MET: variants seen among roughly 807,000 people sequenced by gnomAD.
The protein encoded by MET is hepatocyte growth factor receptor.
MET carries 48 observed loss-of-function variants against 133.1 expected under a neutral mutation model. That is an observed-to-expected ratio of 0.36 (90% CI 0.29 to 0.46). The LOEUF (loss-of-function observed/expected upper bound fraction) is 0.46. MET is among the 20% of genes least tolerant of loss of function. The pLI, the probability that MET is intolerant of heterozygous loss-of-function variation, is 1.00. For missense variants in MET, 1,442 were observed against 1,695.9 expected (o/e 0.85, Z 2.63); for synonymous variants, 628 against 616.5 (o/e 1.02, Z -0.28).
intron 3 of MET, among the ~76,000 whole-genome samples, chr7:116,735,860 C>T (rs546177996): frequency 2.0e-5 from 3 of 151,544 alleles, no homozygotes; most frequent in Admixed American, 6.6e-5. Context: ...CACTGTAACC[C>T]CCACCTCCAG....
intron 1 of MET, among the ~76,000 whole-genome samples, chr7:116,681,265 C>A (rs969543202): frequency 6.6e-6 from 1 of 151,956 alleles, no homozygotes; most frequent in Non-Finnish European, 1.5e-5. Context: ...CCCAGGCACT[C>A]TAAATGAAAT....
intron 19 of MET, among the ~76,000 whole-genome samples, chr7:116,785,966 A>C (rs1055398159): frequency 6.6e-6 from 1 of 152,252 alleles, no homozygotes; most frequent in African/African-American, 2.4e-5. Context: ...AGGCAATTGA[A>C]AATGTGAATC....
intron 2 of MET, among the ~76,000 whole-genome samples, chr7:116,716,463 GAAAGAGAAAGAAAGAAAGAA>G (rs1792217910): frequency 7.7e-6 from 1 of 129,042 alleles, no homozygotes; most frequent in Non-Finnish European, 1.6e-5. Context: ...AGAAAAGAAA[GAAAGAGAAAGAAAGAAAGAA>G]AGAAAGAAAG....
At chr7:116,722,245 T>C (rs1401756364) in intron 2 of MET, among the ~76,000 whole-genome samples, 1 of 150,188 alleles carries the variant, frequency 6.7e-6, no homozygotes, top group East Asian at 1.9e-4. Flanking sequence ...TGTAATGGCC[T>C]TGTCTCTTTT....
intron 2 of MET, among the ~76,000 whole-genome samples, chr7:116,701,015 A>G (rs1357412698): frequency 6.6e-6 from 1 of 152,186 alleles, no homozygotes; most frequent in Non-Finnish European, 1.5e-5. Context: ...GGTATTTGTT[A>G]TTTATAAGCA....
chr7:116,736,374 CCGTT>C (rs1237130006), intron 3 of MET, among the ~76,000 whole-genome samples: 1 of 151,200 alleles, frequency 6.6e-6, no homozygotes, highest in African/African-American at 2.4e-5. Context: ...AAAATTAAAA[CCGTT>C]CAATTGTCCA....
chr7:116,782,110 A>G lies in MET; in HGVS notation c.3632+13A>G. The stretch of plus-strand genomic sequence containing the variant: ...CAAGAAACTGTATGTAAGTATCAGA[A>G]TCTCTGTGCCACAATCCAAATTAAG... On this transcript the variant is annotated intron_variant, in intron 18 of 20. Coordinates refer to ENST00000397752, the MANE Select transcript of MET (RefSeq NM_000245.4). The G allele has an allele frequency of 6.5e-7, 1 of 1,539,980 alleles. No individual in the cohort carries two copies. The highest frequency in any genetic ancestry group is 9.0e-7 in the Non-Finnish European group (1 of 1,113,914).
At chr7:116,744,445 T>A (rs568626761) in intron 5 of MET, among the ~76,000 whole-genome samples, 7 of 152,118 alleles carry the variant, frequency 4.6e-5, no homozygotes, top group Non-Finnish European at 8.8e-5. Flanking sequence ...TGTCAGAGAT[T>A]GAATATCAAC....
chr7:116,705,546 A>C (rs1200229918), intron 2 of MET, among the ~76,000 whole-genome samples: 2 of 152,148 alleles, frequency 1.3e-5, no homozygotes, highest in African/African-American at 4.8e-5. Context: ...CCAATATGAA[A>C]AATGTTGTTA....
intron 2 of MET, among the ~76,000 whole-genome samples, chr7:116,720,098 G>A (rs1419168836): frequency 4.7e-4 from 72 of 152,154 alleles, no homozygotes; most frequent in Non-Finnish European, 7.9e-4. Flanking sequence ...CCATTTTCAC[G>A]ATATGGATTC....
chr7:116,759,187 C>A (rs1223929172), intron 9 of MET: 2 of 695,488 alleles, frequency 2.9e-6, no homozygotes, highest in African/African-American at 1.8e-5. Context: ...AAATGCATTT[C>A]TTAAGCTTAT....
intron 18 of MET, 85 bp from the exon 19 acceptor site, chr7:116,783,213 ACTGAAG>A: frequency 6.9e-7 from 1 of 1,456,048 alleles, no homozygotes; most frequent in Non-Finnish European, 9.6e-7. Flanking sequence ...GATTTCAAAT[ACTGAAG>A]CCACTTGTTT....
At chr7:116,747,926 C>A (rs1584930874) in intron 5 of MET, among the ~76,000 whole-genome samples, 2 of 152,200 alleles carry the variant, frequency 1.3e-5, no homozygotes, top group East Asian at 3.8e-4. Context: ...GATGACACTA[C>A]AATCAAATTA....
rs139396986 is a variant in MET, at chr7:116,787,535, G to A, written c.3798+4066G>A. Among the ~76,000 whole-genome samples the A allele has an allele frequency of 3.4e-4, 52 of 152,282 alleles. 1 individual carries two copies. The East Asian group carries it at 9.3e-3, about 27-fold the overall frequency. On this transcript the variant is annotated intron_variant, in intron 19 of 20. Transcript: ENST00000397752. ...AGGCATCACATGGGTGTGAGAGAGTGCAAGAGAGAGCAAGAGGTGAACAGA... is the reference window on the plus strand; with the variant it reads ...AGGCATCACATGGGTGTGAGAGAGTACAAGAGAGAGCAAGAGGTGAACAGA...
In MET at chr7:116,695,815, A is replaced by G. The variant is rs779671766; in HGVS notation, c.-14-3256A>G. On this transcript the variant is annotated intron_variant, in intron 1 of 20. Transcript: ENST00000397752. ...TTCCCATATGGTAAGCACTCAATAC[A>G]TGTTCTTGTTATTTTTATTATTACA... The G allele has an allele frequency of 5.2e-5, 25 of 482,366 alleles. 1 individual carries two copies. The highest frequency in any genetic ancestry group is 4.0e-4 in the South Asian group (25 of 63,096). The allele number at this position is 482,366 out of a possible 1,614,324, so 29.9% of individuals were successfully genotyped here. A position where few individuals can be genotyped will look rare whatever the true frequency, so the allele number is the denominator to read the frequency against.
At chr7:116,759,609 T>C in intron 10 of MET, 119 bp downstream of exon 10, 2 of 1,125,868 alleles carry the variant, frequency 1.8e-6, no homozygotes, top group Non-Finnish European at 2.6e-6. Context: ...TTAATTTCCT[T>C]GCAGTGTAGC....
In MET at chr7:116,758,578, A is replaced by G; in HGVS notation, c.2222A>G (p.Asp741Gly). 6.2e-7 allele frequency: 1 copy of G among 1,613,874 alleles called. No homozygotes were observed. Residue 741 changes from aspartate (D) to glycine (G), a missense_variant, in exon 9 of 21, where the codon GAT (aspartate) becomes GGT (glycine). By Grantham distance (94) the Asp-to-Gly change is moderately conservative. Transcript: ENST00000397752. ...RETSIFSYRE[D>G]PIVYEIHPTK... ...ACAAGCATCTTCAGTTACCGTGAAG[A>G]TCCCATTGTCTATGAAATTCATCCA... is the stretch of plus-strand genomic sequence containing the variant.
At chr7:116,787,986 A>G (rs775328951) in intron 19 of MET, among the ~76,000 whole-genome samples, 1 of 152,218 alleles carries the variant, frequency 6.6e-6, no homozygotes, top group South Asian at 2.1e-4. Flanking sequence ...AATGGACTAA[A>G]CCATTCATCA....
chr7:116,703,170 C>A (rs1791643528), intron 2 of MET, among the ~76,000 whole-genome samples: 1 of 152,150 alleles, frequency 6.6e-6, no homozygotes, highest in South Asian at 2.1e-4. Flanking sequence ...TCCCAAGCCA[C>A]AAATGCCCAC....
Sources: allele counts gnomAD v4.1 joint callset (sites outside exome capture counted in the v4.1 genomes callset), GRCh38; gene constraint gnomAD v4.1.1; transcripts MANE v1.5; gene names NCBI Gene and HGNC (gene_info 2026-07-23, HGNC 2026-07-21).